The following GABRB2 variants were observed in gnomAD, a reference collection of about 807,000 sequenced individuals.
GABRB2 encodes the protein gamma-aminobutyric acid type A receptor subunit beta2, also known as gamma-aminobutyric acid receptor subunit beta-2.
A neutral mutation model predicts 54.7 loss-of-function variants in GABRB2; 16 were observed. That is an observed-to-expected ratio of 0.29 (90% CI 0.20 to 0.44). GABRB2 has a LOEUF of 0.44. GABRB2 is among the 20% of genes least tolerant of loss of function. The probability of loss-of-function intolerance (pLI) is 1.00; values close to 1 mark genes in which losing one functional copy is unlikely to be tolerated. For synonymous variants in GABRB2, 244 were observed against 233.8 expected (o/e 1.04, Z -0.40); for missense variants, 355 against 644.0 (o/e 0.55, Z 4.86).
At chr5:161,540,302 G>A (rs899393915) in intron 3 of GABRB2, among the ~76,000 whole-genome samples, 9 of 152,164 alleles carry the variant, frequency 5.9e-5, no homozygotes, top group African/African-American at 1.2e-4. Flanking sequence ...CACATTCTTT[G>A]CTCATCCTTA....
chr5:161,389,571 AGTGTGTGTGT>A (rs10666283), intron 5 of GABRB2, among the ~76,000 whole-genome samples: 15 of 145,834 alleles, frequency 1.0e-4, no homozygotes, highest in Non-Finnish European at 1.7e-4. Context: ...ATGTTTGTGG[AGTGTGTGTGT>A]GTGTGTGTGT....
At chr5:161,378,006 C>T (rs2113478395) in intron 5 of GABRB2, among the ~76,000 whole-genome samples, 1 of 151,730 alleles carries the variant, frequency 6.6e-6, no homozygotes, top group East Asian at 1.9e-4. Flanking sequence ...AATATTTAAC[C>T]AACATGCATA....
chr5:161,337,171 T>C (rs1544761), intron 5 of GABRB2, among the ~76,000 whole-genome samples: 1 of 152,066 alleles, frequency 6.6e-6, no homozygotes, highest in Admixed American at 6.6e-5. Context: ...CATTATCACA[T>C]AACACTAGTT....
In GABRB2 at chr5:161,357,427, T is replaced by C. The variant is rs144240186; in HGVS notation, c.542-20658A>G. 2.3e-3 allele frequency among the ~76,000 whole-genome samples: 355 copies of C among 151,696 alleles called. 1 individual carries two copies. The highest frequency in any genetic ancestry group is 6.8e-3 in the Middle Eastern group (2 of 292). On this transcript the variant is annotated intron_variant, in intron 5 of 9. Transcript: ENST00000393959. ...TGAGTAGAAAATGAGGTCAGAGAAGTGCAGGGTTGGCAGTCACATAATACT... is the reference window on the plus strand; with the variant it reads ...TGAGTAGAAAATGAGGTCAGAGAAGCGCAGGGTTGGCAGTCACATAATACT...
At chr5:161,490,118 G>T (rs1759055934) in intron 3 of GABRB2, among the ~76,000 whole-genome samples, 1 of 151,712 alleles carries the variant, frequency 6.6e-6, no homozygotes, top group African/African-American at 2.4e-5. Context: ...TGTGTTTAGT[G>T]ATAAACCATT....
intron 5 of GABRB2, among the ~76,000 whole-genome samples, chr5:161,370,798 T>C (rs1755107615): frequency 6.6e-6 from 1 of 152,166 alleles, no homozygotes; most frequent in African/African-American, 2.4e-5. Context: ...AAATTTAACA[T>C]GGAAGAGTAC....
intron 3 of GABRB2, among the ~76,000 whole-genome samples, chr5:161,504,441 T>C (rs1759541394): frequency 6.6e-6 from 1 of 152,112 alleles, no homozygotes; most frequent in Admixed American, 6.6e-5. Flanking sequence ...GAAATTAAAA[T>C]ACTTTTAAAA....
intron 5 of GABRB2, among the ~76,000 whole-genome samples, chr5:161,348,005 C>T (rs1174941918): frequency 6.6e-6 from 1 of 152,004 alleles, no homozygotes; most frequent in Non-Finnish European, 1.5e-5. Flanking sequence ...GAAGTCCTAC[C>T]TAGGTTCCTG....
intron 3 of GABRB2, among the ~76,000 whole-genome samples, chr5:161,468,515 G>T (rs888150656): frequency 2.0e-5 from 3 of 151,934 alleles, no homozygotes; most frequent in Non-Finnish European, 4.4e-5. Context: ...TCCTTGGTGG[G>T]GTTTTCCCTT....
intron 5 of GABRB2, among the ~76,000 whole-genome samples, chr5:161,357,358 C>A (rs761087010): frequency 6.6e-6 from 1 of 152,016 alleles, no homozygotes; most frequent in Non-Finnish European, 1.5e-5. Flanking sequence ...ATTGGAGAGG[C>A]AATGAGAAAT....
intron 9 of GABRB2, among the ~76,000 whole-genome samples, chr5:161,313,077 C>T (rs1275293603): frequency 2.0e-5 from 3 of 152,160 alleles, no homozygotes; most frequent in African/African-American, 4.8e-5. Flanking sequence ...TTTGTTGGAA[C>T]AATGCCAGGG....
chr5:161,309,913 G>A lies in GABRB2; in HGVS notation c.1192-15485C>T, dbSNP rs111613180. ...CCCAAAGTGCTGGGATTACAGGCTT[G>A]AGCCACCGCGCCTGGCCCTAAATTT... On this transcript the variant is annotated intron_variant, in intron 9 of 9. Transcript: ENST00000393959. Among the ~76,000 whole-genome samples the A allele has an allele frequency of 9.9e-3, 1,511 of 152,230 alleles. 27 individuals carry two copies. Among genetic ancestry groups the A allele is most frequent in the African/African-American group, 0.034 (1,398 of 41,524 alleles).
intron 6 of GABRB2, among the ~76,000 whole-genome samples, chr5:161,335,260 T>C (rs763849391): frequency 7.2e-5 from 11 of 152,278 alleles, no homozygotes; most frequent in East Asian, 3.9e-4. Flanking sequence ...TTTAATCTTA[T>C]GTGAGAGTGA....
At chr5:161,311,670 A>G (rs1757872402) in intron 9 of GABRB2, among the ~76,000 whole-genome samples, 1 of 152,182 alleles carries the variant, frequency 6.6e-6, no homozygotes, top group Non-Finnish European at 1.5e-5. Flanking sequence ...ACTCATTTAC[A>G]TTTCCTAGGA....
At chr5:161,489,993 T>A (rs1480492853) in intron 3 of GABRB2, among the ~76,000 whole-genome samples, 1 of 151,604 alleles carries the variant, frequency 6.6e-6, no homozygotes, top group Non-Finnish European at 1.5e-5. Context: ...TGTAGTTAAG[T>A]CAGAAAATCC....
intron 4 of GABRB2, among the ~76,000 whole-genome samples, chr5:161,418,677 G>A (rs1756754402): frequency 6.6e-6 from 1 of 152,048 alleles, no homozygotes; most frequent in Non-Finnish European, 1.5e-5. Context: ...CTTCTGCACA[G>A]CAAAAGAAAT....
intron 4 of GABRB2, among the ~76,000 whole-genome samples, chr5:161,452,160 T>C (rs1464712705): frequency 3.9e-5 from 6 of 152,176 alleles, no homozygotes; most frequent in South Asian, 2.1e-4. Context: ...TGTACCTGAA[T>C]GTTATGATAT....
chr5:161,302,287 G>T (rs1757562036), intron 9 of GABRB2, among the ~76,000 whole-genome samples: 1 of 152,142 alleles, frequency 6.6e-6, no homozygotes, highest in Non-Finnish European at 1.5e-5. Flanking sequence ...AAACAGGCTT[G>T]GTTAACAGAG....
intron 5 of GABRB2, among the ~76,000 whole-genome samples, chr5:161,385,948 GTGTGTGTGTGTGTGTGTGTGTGTGT>G (rs1755616757): frequency 1.8e-5 from 2 of 108,280 alleles, no homozygotes; most frequent in African/African-American, 3.7e-5. Context: ...CTATTGTCTG[GTGTGTGTGTGTGTGTGTGTGTGTGT>G]GTGTGTGTGT....
Sources: allele counts gnomAD v4.1 joint callset (sites outside exome capture counted in the v4.1 genomes callset), GRCh38; gene constraint gnomAD v4.1.1; transcripts MANE v1.5; gene names NCBI Gene and HGNC (gene_info 2026-07-23, HGNC 2026-07-21).